TLE6: variants seen among roughly 807,000 people sequenced by gnomAD.
TLE6 encodes TLE family member 6, subcortical maternal complex member.
In TLE6, 72 loss-of-function variants were observed where a neutral mutation model predicts 77.1. The ratio of observed to expected loss-of-function variants is 0.93; its 90% CI spans 0.77 to 1.14. The LOEUF (loss-of-function observed/expected upper bound fraction) is 1.14, where lower values mean the gene tolerates loss of function less well. Among genes scored for constraint, TLE6 ranks in the 50% most tolerant of loss-of-function variants. The pLI is 0.00. For missense variants in TLE6, 843 were observed against 747.6 expected (o/e 1.13, Z -1.49); for synonymous variants, 366 against 287.3 (o/e 1.27, Z -2.77).
At chr19:2,982,535 CAAAAAAA>C (rs1200316710) in intron 5 of TLE6, among the ~76,000 whole-genome samples, 3 of 41,840 alleles carry the variant, frequency 7.2e-5, no homozygotes, top group African/African-American at 2.5e-4. Context: ...GACTCTGTCT[CAAAAAAA>C]AAAAAAAAAA....
chr19:2,986,070 TCAAAAAAAAAA>T (rs2088902468), intron 5 of TLE6, among the ~76,000 whole-genome samples: 1 of 34,018 alleles, frequency 2.9e-5, no homozygotes, highest in Non-Finnish European at 4.9e-5. Context: ...TGAGACTGTC[TCAAAAAAAAAA>T]AAAAAAAAAA....
chr19:2,983,695 G>A (rs532781851), intron 5 of TLE6, among the ~76,000 whole-genome samples: 5 of 152,104 alleles, frequency 3.3e-5, no homozygotes, highest in South Asian at 2.1e-4. Flanking sequence ...CCCTGAGGGA[G>A]GGAGGTGGGA....
chr19:2,979,316 G>T (rs369254933), intron 2 of TLE6, among the ~76,000 whole-genome samples: 2 of 144,460 alleles, frequency 1.4e-5, no homozygotes, highest in Non-Finnish European at 3.0e-5. Context: ...GCGCGATCTC[G>T]GCTCACTGCA....
At position 2,994,966 on chromosome 19, in the gene TLE6, T is replaced by C. The variant is rs770123619; in HGVS notation, c.1681T>C (p.Ser561Pro). ...CAACAACCGCCTCGTTGTCACAGGC[T>C]CCGGGGAGCACGCCTCCGTGTACCA... ...SSNNRLVVTG[S>P]GEHASVYQIT... Residue 561 changes from serine to proline, a missense_variant, in exon 17 of 17, where the codon TCC becomes CCC. Physicochemically the swap from Ser to Pro is moderately conservative, Grantham distance 74 (BLOSUM62 -1). Coordinates refer to ENST00000246112, the MANE Select transcript of TLE6 (RefSeq NM_001143986.2). 6.8e-6 allele frequency: 11 copies of C among 1,609,332 alleles called. No homozygotes were observed. Among genetic ancestry groups the C allele is most frequent in the South Asian group, 4.4e-5 (4 of 90,236 alleles).
chr19:2,991,381 T>C (rs1268710888), intron 13 of TLE6, among the ~76,000 whole-genome samples: 14 of 98,062 alleles, frequency 1.4e-4, no homozygotes, highest in African/African-American at 7.5e-4. Flanking sequence ...AATACGTATA[T>C]ATATATATAT....
At chr19:2,991,329 A>T (rs909574940) in intron 13 of TLE6, among the ~76,000 whole-genome samples, 2 of 146,934 alleles carry the variant, frequency 1.4e-5, no homozygotes, top group African/African-American at 5.1e-5. Flanking sequence ...GCTGCACTCC[A>T]GCCTGGGCAA....
At chr19:2,988,894 T>G in intron 11 of TLE6, 167 bp from the exon 12 acceptor site, 1 of 989,640 alleles carries the variant, frequency 1.0e-6, no homozygotes, top group Non-Finnish European at 1.5e-6. Context: ...GGACAATACT[T>G]GAAGGAATAT....
intron 12 of TLE6, 104 bp downstream of exon 12, chr19:2,989,417 A>G: frequency 6.3e-7 from 1 of 1,576,618 alleles, no homozygotes; most frequent in Non-Finnish European, 8.6e-7. Flanking sequence ...CTTCCAGGGA[A>G]AAGGGGCATA....
intron 2 of TLE6, among the ~76,000 whole-genome samples, chr19:2,978,942 G>A (rs1036954513): frequency 6.6e-6 from 1 of 151,876 alleles, no homozygotes; most frequent in African/African-American, 2.4e-5. Context: ...GGGATATTTT[G>A]TTTTGAGACT....
At chr19:2,993,316 C>A in intron 14 of TLE6, 116 bp from the exon 15 acceptor site, 1 of 1,115,510 alleles carries the variant, frequency 9.0e-7, no homozygotes, top group Non-Finnish European at 1.2e-6. Flanking sequence ...CAGGGCTGCA[C>A]AGCTAGGAAG....
chr19:2,980,406 G>C (rs533537649), intron 3 of TLE6: 1 of 385,514 alleles, frequency 2.6e-6, no homozygotes, highest in Admixed American at 4.1e-5. Flanking sequence ...TTTCCTGTTC[G>C]ACATGGATTT....
chr19:2,994,905 T>A lies in TLE6; in HGVS notation c.1620T>A (p.Pro540=), dbSNP rs34831575. The A allele has an allele frequency of 1.3e-6, 2 of 1,564,300 alleles. No individual in the cohort carries two copies. The highest frequency in any genetic ancestry group is 8.8e-7 in the Non-Finnish European group (1 of 1,142,452). ...GCCCACTGCCCCCCCTCCAGGTGCC[T>A]GAGATGTCTCCAGTCACGTGCTGTG... The part of the protein sequence containing the change: ...MPAGTKVFEV[P]EMSPVTCCDV... The change falls in exon 17 of 17, where the codon CCT becomes CCA. Residue 540 remains proline (P), a synonymous_variant. Transcript: ENST00000246112.
intron 11 of TLE6, 62 bp from the exon 12 acceptor site, chr19:2,988,996 TGTG>T: frequency 5.0e-6 from 8 of 1,592,582 alleles, no homozygotes; most frequent in Non-Finnish European, 6.9e-6. Context: ...GGCCTTGATG[TGTG>T]GCTCCCACTG....
At chr19:2,989,466 C>T in intron 12 of TLE6, 69 bp from the exon 13 acceptor site, 1 of 1,574,244 alleles carries the variant, frequency 6.4e-7, no homozygotes, top group Admixed American at 1.8e-5. Context: ...AGTTCGCTCT[C>T]ATGAGGCAAA....
intron 13 of TLE6, 50 bp downstream of exon 13, chr19:2,989,835 GCCACCTCTGCCCACCTTACTGCTA>G (rs764425777): frequency 1.4e-5 from 23 of 1,599,148 alleles, no homozygotes; most frequent in Admixed American, 1.3e-4. Flanking sequence ...GCCTCCTGTG[GCCACCTCTGCCCACCTTACTGCTA>G]CCACCTCTGC....
In TLE6 at chr19:2,993,538, G is replaced by A. The variant is rs549297336; in HGVS notation, c.1493G>A (p.Gly498Glu). 1.3e-5 allele frequency: 20 copies of A among 1,587,520 alleles called. No individual in the cohort carries two copies. In the African/African-American group the frequency reaches 1.6e-4, roughly 13 times the overall value. Residue 498 changes from glycine (G) to glutamate (E), a missense_variant, in exon 15 of 17, where the codon GGG (glycine) becomes GAG (glutamate). Physicochemically the swap from Gly to Glu is moderately conservative, Grantham distance 98 (BLOSUM62 -2). Coordinates refer to ENST00000246112, the MANE Select transcript of TLE6 (RefSeq NM_001143986.2). ...STSGSQRHMVGQKDSVILSVK... is the reference protein window; with the variant it reads ...STSGSQRHMVEQKDSVILSVK... Reference sequence around the variant, plus strand: ...AGCGGGAGCCAGCGGCACATGGTGGGGCAAAAAGACAGCGTCATCCTGAGC... The same window carrying A: ...AGCGGGAGCCAGCGGCACATGGTGGAGCAAAAAGACAGCGTCATCCTGAGC...
chr19:2,991,425 C>CATAT (rs1555686317), intron 13 of TLE6, among the ~76,000 whole-genome samples: 1 of 135,566 alleles, frequency 7.4e-6, no homozygotes, highest in Non-Finnish European at 1.6e-5. Flanking sequence ...CACACACACA[C>CATAT]ATATATATAA....
intron 5 of TLE6, among the ~76,000 whole-genome samples, chr19:2,986,349 GA>G (rs2145038566): frequency 6.6e-6 from 1 of 152,102 alleles, no homozygotes; most frequent in East Asian, 1.9e-4. Flanking sequence ...CTGGGAGGTT[GA>G]GGGTGCAGTG....
intron 15 of TLE6, among the ~76,000 whole-genome samples, 182 bp from the exon 16 acceptor site, chr19:2,993,837 G>A (rs921878459): frequency 6.7e-6 from 1 of 149,316 alleles, no homozygotes; most frequent in Admixed American, 6.7e-5. Context: ...GTCCCCATGA[G>A]CCCGGGGAGG....
Sources: allele counts gnomAD v4.1 joint callset (sites outside exome capture counted in the v4.1 genomes callset), GRCh38; gene constraint gnomAD v4.1.1; transcripts MANE v1.5; gene names NCBI Gene and HGNC (gene_info 2026-07-23, HGNC 2026-07-21).